The following NRG3 variants were observed in gnomAD, a reference collection of about 807,000 sequenced individuals.
NRG3 encodes the protein neuregulin 3.
In NRG3, 31 loss-of-function variants were observed where a neutral mutation model predicts 66.9. The observed-to-expected ratio is 0.46, with a 90% CI of 0.35 to 0.63. NRG3 has a LOEUF of 0.63. Ranked by LOEUF, NRG3 falls within the 20% of genes least tolerant of loss-of-function variation. The probability of loss-of-function intolerance (pLI) is 0.00; values close to 1 mark genes in which losing one functional copy is unlikely to be tolerated. For missense variants in NRG3, 910 were observed against 878.9 expected (o/e 1.04, Z -0.45); for synonymous variants, 393 against 359.4 (o/e 1.09, Z -1.06).
At chr10:82,506,506 T>A (rs1844695938) in intron 2 of NRG3, among the ~76,000 whole-genome samples, 1 of 151,972 alleles carries the variant, frequency 6.6e-6, no homozygotes, top group South Asian at 2.1e-4. Flanking sequence ...CTTTCCTCTA[T>A]CTGCTTGGAA....
intron 2 of NRG3, among the ~76,000 whole-genome samples, chr10:82,408,079 G>GAA (rs1590021211): frequency 1.6e-5 from 2 of 123,258 alleles, no homozygotes; most frequent in East Asian, 2.3e-4. Context: ...GAGAGAGAGA[G>GAA]AGAGACAGAA....
At chr10:82,590,208 T>C (rs149591970) in intron 2 of NRG3, among the ~76,000 whole-genome samples, 1 of 152,316 alleles carries the variant, frequency 6.6e-6, no homozygotes, top group Non-Finnish European at 1.5e-5. Flanking sequence ...AGATATTTTA[T>C]TTAATTTTTA....
intron 2 of NRG3, among the ~76,000 whole-genome samples, chr10:82,501,074 A>T (rs1310930941): frequency 6.6e-6 from 1 of 152,158 alleles, no homozygotes. Flanking sequence ...CTCTACCTCC[A>T]GATAGAGGGG....
intron 1 of NRG3, among the ~76,000 whole-genome samples, chr10:81,966,278 A>G (rs1475516800): frequency 6.6e-6 from 1 of 150,566 alleles, no homozygotes; most frequent in African/African-American, 2.4e-5. Flanking sequence ...AATTTTTAAT[A>G]AATTTATTTT....
intron 2 of NRG3, among the ~76,000 whole-genome samples, chr10:82,616,486 C>A (rs890992449): frequency 2.0e-5 from 3 of 152,154 alleles, no homozygotes; most frequent in African/African-American, 7.2e-5. Flanking sequence ...TTAATCCCAG[C>A]CTTCCACATA....
At chr10:82,116,807 C>G (rs895033211) in intron 1 of NRG3, among the ~76,000 whole-genome samples, 1 of 152,062 alleles carries the variant, frequency 6.6e-6, no homozygotes, top group Non-Finnish European at 1.5e-5. Context: ...TCTTCCTGCC[C>G]GATTTATAGA....
At chr10:82,886,184 G>A (rs1231676940) in intron 4 of NRG3, among the ~76,000 whole-genome samples, 2 of 152,158 alleles carry the variant, frequency 1.3e-5, no homozygotes, top group Non-Finnish European at 2.9e-5. Flanking sequence ...GATTTTTCAC[G>A]AAATAAAGAT....
chr10:82,326,895 C>T (rs1481439704), intron 1 of NRG3, among the ~76,000 whole-genome samples: 2 of 152,194 alleles, frequency 1.3e-5, no homozygotes, highest in East Asian at 1.9e-4. Flanking sequence ...ATTGTAATTA[C>T]AAATTAGCTA....
intron 2 of NRG3, among the ~76,000 whole-genome samples, chr10:82,392,202 C>G (rs2086420871): frequency 6.6e-6 from 1 of 152,098 alleles, no homozygotes; most frequent in Non-Finnish European, 1.5e-5. Flanking sequence ...CTAGATTCCT[C>G]TGGCTTGTAG....
intron 1 of NRG3, among the ~76,000 whole-genome samples, chr10:82,087,653 C>G (rs968735621): frequency 6.6e-6 from 1 of 152,044 alleles, no homozygotes; most frequent in South Asian, 2.1e-4. Flanking sequence ...GCACATAGTA[C>G]AAAACATTAC....
rs879678205 is a variant in NRG3 at position 82,638,647 on chromosome 10, C to CT, written c.954-99917dup. On this transcript the variant is annotated intron_variant, in intron 2 of 8. Coordinates refer to ENST00000372141, the MANE Select transcript of NRG3 (RefSeq NM_001010848.4). ...CACTCCAAGGGATTCCTGAAATACA[C>CT]TTTTTTTTTTTTTCTTTTGAGACGG... 1.9e-3 allele frequency among the ~76,000 whole-genome samples: 282 copies of CT among 145,304 alleles called. 1 individual carries two copies. Among genetic ancestry groups the CT allele is most frequent in the Middle Eastern group, 7.1e-3 (2 of 280 alleles).
intron 2 of NRG3, among the ~76,000 whole-genome samples, chr10:82,540,686 A>G (rs1028361128): frequency 1.3e-5 from 2 of 152,162 alleles, no homozygotes; most frequent in Non-Finnish European, 2.9e-5. Flanking sequence ...GATTAATCCA[A>G]TATATAAAGA....
At chr10:82,804,655 T>C (rs546130097) in intron 3 of NRG3, among the ~76,000 whole-genome samples, 10 of 152,334 alleles carry the variant, frequency 6.6e-5, no homozygotes, top group Admixed American at 6.5e-5. Context: ...TGAGAATGCA[T>C]ATGTGAAGCA....
intron 1 of NRG3, among the ~76,000 whole-genome samples, chr10:82,208,401 A>C (rs183329639): frequency 2.0e-5 from 3 of 152,196 alleles, no homozygotes; most frequent in Non-Finnish European, 2.9e-5. Context: ...ATAATTCTGG[A>C]GCCACTTTAC....
intron 2 of NRG3, among the ~76,000 whole-genome samples, chr10:82,379,597 TA>T (rs2085477478): frequency 6.6e-6 from 1 of 152,154 alleles, no homozygotes. Flanking sequence ...AAACATGGAG[TA>T]TAATAAATAT....
At chr10:82,841,086 GAGA>G (rs2063033339) in intron 3 of NRG3, among the ~76,000 whole-genome samples, 1 of 152,136 alleles carries the variant, frequency 6.6e-6, no homozygotes, top group Admixed American at 6.5e-5. Context: ...AGGACACACA[GAGA>G]AGAAGTTCAT....
intron 7 of NRG3, among the ~76,000 whole-genome samples, chr10:82,974,526 A>G (rs2132598197): frequency 6.6e-6 from 1 of 152,326 alleles, no homozygotes; most frequent in South Asian, 2.1e-4. Flanking sequence ...TGTTATCAGG[A>G]TTCTGAAACT....
intron 1 of NRG3, among the ~76,000 whole-genome samples, chr10:82,212,607 C>A (rs573284285): frequency 2.6e-5 from 4 of 152,260 alleles, no homozygotes; most frequent in African/African-American, 7.2e-5. Context: ...GGTCATTGCC[C>A]AATACCGATG....
At chr10:82,834,186 C>T (rs1425310611) in intron 3 of NRG3, among the ~76,000 whole-genome samples, 1 of 152,150 alleles carries the variant, frequency 6.6e-6, no homozygotes, top group Non-Finnish European at 1.5e-5. Context: ...GCTGTGCCTT[C>T]TTTGCTCGTC....
Sources: gnomAD v4.1 joint callset for allele counts (sites outside exome capture counted in the v4.1 genomes callset) on GRCh38, gnomAD v4.1.1 for gene constraint, MANE v1.5 for transcripts, NCBI Gene and HGNC (gene_info 2026-07-23, HGNC 2026-07-21) for gene names.